Variants in PRMT1 observed in about 807,000 individuals in gnomAD.
PRMT1 encodes protein arginine methyltransferase 1.
Under a neutral mutation model 47.4 loss-of-function variants are expected in PRMT1, and 5 were observed. The observed-to-expected ratio is 0.11, with a 90% CI of 0.06 to 0.22. The LOEUF (loss-of-function observed/expected upper bound fraction) is 0.22, where lower values mean the gene tolerates loss of function less well. Ranked by LOEUF, PRMT1 falls within the 10% of genes least tolerant of loss-of-function variation. The pLI, the probability that PRMT1 is intolerant of heterozygous loss-of-function variation, is 1.00. For missense variants in PRMT1, 249 were observed against 518.4 expected, an observed-to-expected ratio of 0.48 and a Z score of 5.05; for synonymous variants, 227 against 204.6, an observed-to-expected ratio of 1.11 and a Z score of -0.94.
chr19:49,687,393 C>G (rs932698262), intron 10 of PRMT1, among the ~76,000 whole-genome samples: 3 of 151,936 alleles, frequency 2.0e-5, no homozygotes, highest in Non-Finnish European at 4.4e-5. Flanking sequence ...TGGGTCCCGG[C>G]CGATGGGTGC....
chr19:49,687,336 G>A (rs2082222698), intron 10 of PRMT1, among the ~76,000 whole-genome samples: 1 of 152,106 alleles, frequency 6.6e-6, no homozygotes, highest in Non-Finnish European at 1.5e-5. Context: ...CAGGAGGATG[G>A]AAGGCTTGGA....
At position 49,680,677 on chromosome 19, in the gene PRMT1, T is replaced by A; in HGVS notation, c.192+89T>A. The stretch of plus-strand genomic sequence containing the variant: ...AACCTGTTTTCCCACGCATGCGCAC[T>A]GCTTCCCCTGGCCGCAGGCCGCCCC... On this transcript the variant is annotated intron_variant, in intron 3 of 10. Coordinates refer to ENST00000454376, the MANE Select transcript of PRMT1 (RefSeq NM_001536.6). This position sits in a 1 kb window ranked among gnomAD's most constrained non-coding sequence, Gnocchi z 4.2. 1 of 1,067,194 alleles carries A rather than the reference T, an allele frequency of 9.4e-7. No individual in the cohort carries two copies. The highest frequency in any genetic ancestry group is 1.4e-6 in the Non-Finnish European group (1 of 707,726). 66.1% of individuals were successfully genotyped at this position (1,067,194 alleles called of 1,614,324 possible).
chr19:49,680,339 G>A lies in PRMT1; in HGVS notation c.91-148G>A, dbSNP rs2082098651. Reference sequence around the variant, plus strand: ...GTTAGGTTTTGGGGTTCCTGGGGGGGCAAGATGGCAGGCGGGGGCTGTAGG... The same window carrying A: ...GTTAGGTTTTGGGGTTCCTGGGGGGACAAGATGGCAGGCGGGGGCTGTAGG... On this transcript the variant is annotated intron_variant, in intron 2 of 10. Transcript: ENST00000454376. The surrounding 1 kb of genome is among the most constrained non-coding windows in gnomAD (Gnocchi z 4.2). 6.2e-6 allele frequency: 6 copies of A among 965,656 alleles called. No homozygotes were observed. The highest frequency in any genetic ancestry group is 1.3e-5 in the South Asian group (1 of 74,838). The allele number at this position is 965,656 out of a possible 1,614,324, so 59.8% of individuals were successfully genotyped here.
Position 49,679,832 on chromosome 19 carries a change from T to G in PRMT1, c.37-40T>G, listed in dbSNP as rs376374891. On this transcript the variant is annotated intron_variant, in intron 1 of 10. Transcript: ENST00000454376. Reference sequence around the variant, plus strand: ...CGCCACCCAGCCCTCCCACAGCCACTCCCAGTAGCTAATCCTTTTTCCCTG... The same window carrying G: ...CGCCACCCAGCCCTCCCACAGCCACGCCCAGTAGCTAATCCTTTTTCCCTG... 373 of 1,505,432 alleles carry G rather than the reference T, an allele frequency of 2.5e-4. 4 individuals are homozygous for G. In the Middle Eastern group the frequency reaches 0.011, roughly 44 times the overall value. 93.3% of individuals were successfully genotyped at this position (1,505,432 alleles called of 1,614,324 possible).
intron 10 of PRMT1, 25 bp downstream of exon 10, chr19:49,686,751 G>A (rs1389405059): frequency 6.3e-7 from 1 of 1,589,922 alleles, no homozygotes; most frequent in Non-Finnish European, 8.6e-7. Context: ...AGCTGGGTGG[G>A]AGGGTGGCAG....
At chr19:49,677,774 C>T (rs895246386) in intron 1 of PRMT1, among the ~76,000 whole-genome samples, 3 of 152,132 alleles carry the variant, frequency 2.0e-5, no homozygotes, top group East Asian at 1.9e-4. Context: ...GTGTGATCGA[C>T]CTGGGGCCCT....
At chr19:49,676,364 A>G (rs1303388364), upstream of PRMT1, 1 of 152,196 alleles carries the variant, frequency 6.6e-6, no homozygotes, top group Non-Finnish European at 1.5e-5. Context: ...TCTGCAAATC[A>G]AGGAAAGCTT....
In PRMT1 at chr19:49,680,062, A is replaced by T. The variant is rs2082092900; in HGVS notation, c.90+137A>T. ...GTTTACCCCAGGCCCCCAGACACTTAGTAGCAACCCCTCCAGGTTCACAGC... is the reference window on the plus strand; with the variant it reads ...GTTTACCCCAGGCCCCCAGACACTTTGTAGCAACCCCTCCAGGTTCACAGC... On this transcript the variant is annotated intron_variant, in intron 2 of 10. Transcript: ENST00000454376. The surrounding 1 kb of genome is among the most constrained non-coding windows in gnomAD (Gnocchi z 4.2). The T allele has an allele frequency of 8.9e-7, 1 of 1,120,436 alleles. No individual in the cohort carries two copies. Among genetic ancestry groups the T allele is most frequent in the Admixed American group, 2.0e-5 (1 of 49,276 alleles). 69.4% of individuals were successfully genotyped at this position (1,120,436 alleles called of 1,614,324 possible). A position where few individuals can be genotyped will look rare whatever the true frequency, so the allele number is the denominator to read the frequency against.
intron 1 of PRMT1, among the ~76,000 whole-genome samples, chr19:49,679,162 G>T (rs1377669717): frequency 6.6e-6 from 1 of 152,168 alleles, no homozygotes; most frequent in East Asian, 1.9e-4. Flanking sequence ...GGGATTGCAG[G>T]TGTGAGCCAC....
chr19:49,682,158 G>C, intron 4 of PRMT1, 38 bp from the exon 5 acceptor site: 1 of 1,613,728 alleles, frequency 6.2e-7, no homozygotes, highest in Non-Finnish European at 8.5e-7. Context: ...ATGGGGGCAG[G>C]GGATGGGTCT....
intron 1 of PRMT1, 56 bp downstream of exon 1, chr19:49,677,372 G>C: frequency 7.5e-7 from 1 of 1,342,094 alleles, no homozygotes; most frequent in Non-Finnish European, 9.6e-7. Context: ...GGTGTTTCAC[G>C]CCTCTGTGGT....
Position 49,680,075 on chromosome 19 carries a change from C to T in PRMT1, c.90+150C>T. 6 of 1,096,742 alleles carry T rather than the reference C, an allele frequency of 5.5e-6. No individual in the cohort carries two copies. The highest frequency in any genetic ancestry group is 8.1e-6 in the Non-Finnish European group (6 of 738,554). The allele number at this position is 1,096,742 out of a possible 1,614,324, so 67.9% of individuals were successfully genotyped here. On this transcript the variant is annotated intron_variant, in intron 2 of 10. Coordinates refer to ENST00000454376, the MANE Select transcript of PRMT1 (RefSeq NM_001536.6). The surrounding 1 kb of genome is among the most constrained non-coding windows in gnomAD (Gnocchi z 4.2). Reference sequence around the variant, plus strand: ...CCCCAGACACTTAGTAGCAACCCCTCCAGGTTCACAGCCCCCGCTGGCCTC... The same window carrying T: ...CCCCAGACACTTAGTAGCAACCCCTTCAGGTTCACAGCCCCCGCTGGCCTC...
chr19:49,686,575 CG>C, intron 9 of PRMT1, 29 bp from the exon 10 acceptor site: 10 of 1,598,092 alleles, frequency 6.3e-6, no homozygotes, highest in Non-Finnish European at 8.5e-6. Flanking sequence ...GGCAGCAGGC[CG>C]AGGCCGGCTG....
At position 49,680,677 on chromosome 19, in the gene PRMT1, T is replaced by C. The variant is rs1446520069; in HGVS notation, c.192+89T>C. ...AACCTGTTTTCCCACGCATGCGCAC[T>C]GCTTCCCCTGGCCGCAGGCCGCCCC... On this transcript the variant is annotated intron_variant, in intron 3 of 10. Transcript: ENST00000454376. The surrounding 1 kb of genome is among the most constrained non-coding windows in gnomAD (Gnocchi z 4.2). 1.9e-6 allele frequency: 2 copies of C among 1,067,080 alleles called. No homozygotes were observed. The highest frequency in any genetic ancestry group is 2.8e-6 in the Non-Finnish European group (2 of 707,738). 66.1% of individuals were successfully genotyped at this position (1,067,080 alleles called of 1,614,324 possible). A position where few individuals can be genotyped will look rare whatever the true frequency, so the allele number is the denominator to read the frequency against.
intron 5 of PRMT1, 186 bp from the exon 6 acceptor site, chr19:49,683,741 T>G (rs528853694): frequency 1.7e-6 from 1 of 600,194 alleles, no homozygotes; most frequent in African/African-American, 1.9e-5. Flanking sequence ...CCACATAAAA[T>G]TTCTGCTCCT....
At chr19:49,682,980 G>T (rs375564870) in intron 5 of PRMT1, among the ~76,000 whole-genome samples, 1 of 151,662 alleles carries the variant, frequency 6.6e-6, no homozygotes, top group Non-Finnish European at 1.5e-5. Context: ...TAGAGACGGG[G>T]TTTCACCGTG....
chr19:49,683,666 T>A (rs190799904), intron 5 of PRMT1: 4 of 348,162 alleles, frequency 1.1e-5, no homozygotes, highest in East Asian at 6.2e-5. Context: ...CCAGCCTGGG[T>A]GACAGAGCAA....
chr19:49,687,175 C>T (rs2082220386), intron 10 of PRMT1, among the ~76,000 whole-genome samples: 1 of 152,062 alleles, frequency 6.6e-6, no homozygotes, highest in Non-Finnish European at 1.5e-5. Flanking sequence ...AGGAGAAAGG[C>T]AGCTTTTTGT....
chr19:49,677,240 G>T (rs373699257), upstream of PRMT1: 27 of 1,414,444 alleles, frequency 1.9e-5, no homozygotes, highest in Admixed American at 2.5e-4. Flanking sequence ...AGGAGAAAGG[G>T]GGGGTCTTGG....
Sources: gnomAD v4.1 joint callset for allele counts (sites outside exome capture counted in the v4.1 genomes callset) on GRCh38, gnomAD v4.1.1 for gene constraint, Gnocchi (gnomAD v3.1) non-coding constraint, MANE v1.5 for transcripts, NCBI Gene and HGNC (gene_info 2026-07-23, HGNC 2026-07-21) for gene names.